SUGCT: variants seen among roughly 807,000 people sequenced by gnomAD.
The protein encoded by SUGCT is succinyl-CoA:glutarate-CoA transferase, also known as succinyl-CoA:glutarate CoA-transferase.
SUGCT carries 41 observed loss-of-function variants against 55.0 expected under a neutral mutation model. That is an observed-to-expected ratio of 0.74 (90% CI 0.58 to 0.97). The LOEUF (loss-of-function observed/expected upper bound fraction) is 0.97, where lower values mean the gene tolerates loss of function less well. SUGCT is among the 50% of genes least tolerant of loss of function. The probability of loss-of-function intolerance (pLI) is 0.00; values close to 1 mark genes in which losing one functional copy is unlikely to be tolerated. For synonymous variants in SUGCT, 187 were observed against 200.4 expected, an observed-to-expected ratio of 0.93 and a Z score of 0.56; for missense variants, 568 against 547.8, an observed-to-expected ratio of 1.04 and a Z score of -0.37.
At chr7:40,497,703 T>C (rs1023138692) in intron 12 of SUGCT, among the ~76,000 whole-genome samples, 2 of 152,142 alleles carry the variant, frequency 1.3e-5, no homozygotes, top group Admixed American at 1.3e-4. Context: ...AGCTGTCGTG[T>C]ATTGAGGTGT....
chr7:40,625,501 CCT>C, intron 12 of SUGCT, among the ~76,000 whole-genome samples: 1 of 152,202 alleles, frequency 6.6e-6, no homozygotes, highest in South Asian at 2.1e-4. Flanking sequence ...TCCTTCTCCT[CCT>C]CTTTCTTTTT....
At chr7:40,425,180 G>T (rs1366849523) in intron 9 of SUGCT, among the ~76,000 whole-genome samples, 2 of 151,940 alleles carry the variant, frequency 1.3e-5, no homozygotes, top group Admixed American at 6.6e-5. Context: ...TTTAAATATT[G>T]TGTGTGTGTG....
chr7:40,616,404 C>T (rs2151782723), intron 12 of SUGCT, among the ~76,000 whole-genome samples: 1 of 152,234 alleles, frequency 6.6e-6, no homozygotes. Context: ...CCATGTTGGC[C>T]AGGCTGACCG....
In SUGCT at chr7:40,334,781, CT is replaced by C. The variant is rs1166476343; in HGVS notation, c.816+17930del. 2.0e-5 allele frequency among the ~76,000 whole-genome samples: 3 copies of C among 152,148 alleles called. No homozygotes were observed. The East Asian group carries it at 5.8e-4, about 29-fold the overall frequency. On this transcript the variant is annotated intron_variant, in intron 9 of 13. Coordinates refer to ENST00000335693, the MANE Select transcript of SUGCT (RefSeq NM_001193313.2). Reference sequence around the variant, plus strand: ...ATTAGATCCCATTTGTCAATTTTGGCTTTTGTTGCCATTGCTTTTGGTGTTT... The same window carrying C: ...ATTAGATCCCATTTGTCAATTTTGGCTTTGTTGCCATTGCTTTTGGTGTTT...
At chr7:40,527,357 A>C (rs1358732458) in intron 12 of SUGCT, among the ~76,000 whole-genome samples, 2 of 152,208 alleles carry the variant, frequency 1.3e-5, no homozygotes, top group Admixed American at 6.5e-5. Flanking sequence ...AAACTCTTTC[A>C]ATCAGTTCCA....
At chr7:40,235,631 A>G (rs1356227102) in intron 6 of SUGCT, among the ~76,000 whole-genome samples, 1 of 152,196 alleles carries the variant, frequency 6.6e-6, no homozygotes, top group African/African-American at 2.4e-5. Context: ...CCAGCCAAAA[A>G]ATTATTTTTA....
At chr7:40,716,999 A>C (rs956560648) in intron 12 of SUGCT, among the ~76,000 whole-genome samples, 48 of 152,170 alleles carry the variant, frequency 3.2e-4, no homozygotes, top group Non-Finnish European at 5.0e-4. Context: ...AGAAAAAAAA[A>C]CCAATATGAT....
intron 1 of SUGCT, among the ~76,000 whole-genome samples, chr7:40,148,159 C>T (rs1788362745): frequency 7.4e-6 from 1 of 134,578 alleles, no homozygotes; most frequent in South Asian, 2.1e-4. Context: ...AGTAGGTAAT[C>T]AGGTAATCGG....
At chr7:40,195,143 CTTTT>C in intron 6 of SUGCT, 83 bp downstream of exon 6, 1 of 1,083,906 alleles carries the variant, frequency 9.2e-7, no homozygotes. Flanking sequence ...CTTTTGCTGG[CTTTT>C]TTTTTTTTTG....
chr7:40,671,421 T>G (rs936789474), intron 12 of SUGCT, among the ~76,000 whole-genome samples: 1 of 152,154 alleles, frequency 6.6e-6, no homozygotes, highest in South Asian at 2.1e-4. Flanking sequence ...AAATAAAAGA[T>G]ATGTGAATTG....
intron 12 of SUGCT, among the ~76,000 whole-genome samples, chr7:40,718,344 G>A (rs918994182): frequency 6.6e-6 from 1 of 152,190 alleles, no homozygotes; most frequent in African/African-American, 2.4e-5. Context: ...TGCAGTGTAA[G>A]CTGACCCTGA....
At chr7:40,427,563 T>C (rs1787652129) in intron 9 of SUGCT, among the ~76,000 whole-genome samples, 1 of 152,192 alleles carries the variant, frequency 6.6e-6, no homozygotes, top group Non-Finnish European at 1.5e-5. Flanking sequence ...CTCCACTCAT[T>C]CCTCAGTTTG....
chr7:40,876,179 A>G, the SUGCT span, among the ~76,000 whole-genome samples: 1 of 152,068 alleles, frequency 6.6e-6, no homozygotes, highest in Non-Finnish European at 1.5e-5. Context: ...CAACCATAAT[A>G]CCTCTGGGCA....
intron 13 of SUGCT, among the ~76,000 whole-genome samples, chr7:40,800,136 C>A (rs1790738071): frequency 6.6e-6 from 1 of 152,130 alleles, no homozygotes; most frequent in Admixed American, 6.5e-5. Context: ...GCAGGACTTA[C>A]TCTTTTCCCT....
intron 9 of SUGCT, among the ~76,000 whole-genome samples, chr7:40,336,978 C>T (rs1315703430): frequency 2.6e-5 from 4 of 152,184 alleles, no homozygotes; most frequent in African/African-American, 9.7e-5. Flanking sequence ...CAAAGAACAT[C>T]TTTATTTCTG....
intron 12 of SUGCT, among the ~76,000 whole-genome samples, chr7:40,650,043 T>C (rs776604138): frequency 3.9e-5 from 6 of 152,194 alleles, no homozygotes; most frequent in Non-Finnish European, 8.8e-5. Flanking sequence ...CATTCCCATC[T>C]GAAGGTTCAA....
chr7:40,148,950 C>T (rs954527535), intron 1 of SUGCT, among the ~76,000 whole-genome samples: 1 of 152,044 alleles, frequency 6.6e-6, no homozygotes, highest in African/African-American at 2.4e-5. Flanking sequence ...CTTGGTCTTC[C>T]AGGGAGGGGA....
At chr7:40,634,686 C>T (rs1799944062) in intron 12 of SUGCT, among the ~76,000 whole-genome samples, 1 of 152,172 alleles carries the variant, frequency 6.6e-6, no homozygotes, top group African/African-American at 2.4e-5. Flanking sequence ...GGCAGATAGC[C>T]AGTGCACCCA....
At chr7:40,800,103 A>G (rs1429984144) in intron 13 of SUGCT, among the ~76,000 whole-genome samples, 1 of 152,102 alleles carries the variant, frequency 6.6e-6, no homozygotes, top group Non-Finnish European at 1.5e-5. Context: ...GTAAAGATTT[A>G]TTCTTGCCTA....
Sources: allele counts gnomAD v4.1 joint callset (sites outside exome capture counted in the v4.1 genomes callset), GRCh38; gene constraint gnomAD v4.1.1; transcripts MANE v1.5; gene names NCBI Gene and HGNC (gene_info 2026-07-23, HGNC 2026-07-21).